Variants in ENTREP2 observed in about 807,000 individuals in gnomAD.
ENTREP2 encodes endosomal transmembrane epsin interactor 2, also known as protein ENTREP2.
chr15:29,204,576 C>T, the ENTREP2 span, among the ~76,000 whole-genome samples: 2 of 152,156 alleles, frequency 1.3e-5, no homozygotes, highest in Non-Finnish European at 2.9e-5. Flanking sequence ...ACAGTCCTAA[C>T]TGCCATGGAG....
At chr15:29,366,353 G>A in the ENTREP2 span, among the ~76,000 whole-genome samples, 1 of 152,186 alleles carries the variant, frequency 6.6e-6, no homozygotes, top group Non-Finnish European at 1.5e-5. Context: ...GGGATTACAG[G>A]CGTGAGCCAC....
At chr15:29,162,453 TG>T in the ENTREP2 span, among the ~76,000 whole-genome samples, 2 of 151,984 alleles carry the variant, frequency 1.3e-5, no homozygotes, top group African/African-American at 2.4e-5. Flanking sequence ...AAAACAGACT[TG>T]GGGCGGTTGG....
chr15:29,438,768 C>G, the ENTREP2 span, among the ~76,000 whole-genome samples: 25 of 152,262 alleles, frequency 1.6e-4, no homozygotes, highest in South Asian at 4.8e-3. Context: ...CTCCGCAGAT[C>G]TCACTGGTCT....
At chr15:29,377,862 T>TAATAATAATAATA in the ENTREP2 span, among the ~76,000 whole-genome samples, 2 of 100,976 alleles carry the variant, frequency 2.0e-5, no homozygotes, top group Non-Finnish European at 4.9e-5. Flanking sequence ...ATAATAATAA[T>TAATAATAATAATA]AAAAAAATGA....
the ENTREP2 span, among the ~76,000 whole-genome samples, chr15:29,588,336 C>T: frequency 3.9e-5 from 6 of 152,146 alleles, no homozygotes; most frequent in Non-Finnish European, 7.4e-5. Flanking sequence ...TAGAGGGTGG[C>T]GGGCGCCTGT....
the ENTREP2 span, among the ~76,000 whole-genome samples, chr15:29,258,230 A>AAAAGAAAG: frequency 1.5e-3 from 185 of 127,072 alleles, 2 homozygotes; most frequent in Non-Finnish European, 1.7e-3. Flanking sequence ...AAAAAAAAAA[A>AAAAGAAAG]AAAGAAAGAA....
the ENTREP2 span, among the ~76,000 whole-genome samples, chr15:29,384,212 A>G: frequency 2.0e-4 from 30 of 152,176 alleles, no homozygotes; most frequent in Non-Finnish European, 2.2e-4. Context: ...CATGTTTGAC[A>G]TTTCAGACCC....
At chr15:29,510,576 C>T in the ENTREP2 span, among the ~76,000 whole-genome samples, 22 of 151,728 alleles carry the variant, frequency 1.4e-4, no homozygotes, top group Admixed American at 2.6e-4. Context: ...GAGGCCGAGG[C>T]GGGCGGATCA....
the ENTREP2 span, among the ~76,000 whole-genome samples, chr15:29,333,325 C>T: frequency 2.6e-5 from 4 of 152,132 alleles, no homozygotes; most frequent in African/African-American, 4.8e-5. Flanking sequence ...AAAGTGAGTC[C>T]ATACAGGGCT....
the ENTREP2 span, among the ~76,000 whole-genome samples, chr15:29,179,742 G>A: frequency 8.5e-5 from 10 of 117,724 alleles, no homozygotes; most frequent in African/African-American, 4.1e-4. Flanking sequence ...CATCACGCCC[G>A]GCTAATTTTT....
At chr15:29,402,265 T>TATATATATATATATATATATACACACAC in the ENTREP2 span, among the ~76,000 whole-genome samples, 18 of 137,790 alleles carry the variant, frequency 1.3e-4, no homozygotes, top group African/African-American at 4.8e-4. Context: ...TATATATATA[T>TATATATATATATATATATATACACACAC]ACACACACAT....
At chr15:29,619,085 G>C in the ENTREP2 span, among the ~76,000 whole-genome samples, 1 of 152,152 alleles carries the variant, frequency 6.6e-6, no homozygotes, top group Non-Finnish European at 1.5e-5. Flanking sequence ...TGTGTGTCAG[G>C]CATGTGCTAG....
chr15:29,445,743 C>T, the ENTREP2 span, among the ~76,000 whole-genome samples: 1 of 152,242 alleles, frequency 6.6e-6, no homozygotes, highest in African/African-American at 2.4e-5. Context: ...AGCCATCCCA[C>T]TCCTGGAGAA....
At chr15:29,254,590 G>A in the ENTREP2 span, among the ~76,000 whole-genome samples, 5,349 of 152,210 alleles carry the variant, frequency 0.035, 133 homozygotes, top group Non-Finnish European at 0.053. Flanking sequence ...CAGGCGCAGT[G>A]GCTCATGCCT....
At chr15:29,635,529 C>T in the ENTREP2 span, among the ~76,000 whole-genome samples, 2 of 152,048 alleles carry the variant, frequency 1.3e-5, no homozygotes, top group Admixed American at 6.6e-5. Context: ...CAGAGGAGCT[C>T]GGAAGTGTGG....
chr15:29,662,211 C>CAAAAAAAAAAAAAAAAAAA, the ENTREP2 span, among the ~76,000 whole-genome samples: 10 of 46,958 alleles, frequency 2.1e-4, no homozygotes, highest in African/African-American at 2.7e-4. Flanking sequence ...AACCCTGTCG[C>CAAAAAAAAAAAAAAAAAAA]AAAAAAAAAA....
chr15:29,635,519 C>T, the ENTREP2 span, among the ~76,000 whole-genome samples: 1 of 152,160 alleles, frequency 6.6e-6, no homozygotes, highest in Non-Finnish European at 1.5e-5. Flanking sequence ...ACAGAGGACA[C>T]AGAGGAGCTC....
chr15:29,603,401 C>T, the ENTREP2 span, among the ~76,000 whole-genome samples: 1 of 152,114 alleles, frequency 6.6e-6, no homozygotes, highest in Admixed American at 6.6e-5. Flanking sequence ...TTGGGGTTTT[C>T]TCAAGCCCTC....
the ENTREP2 span, among the ~76,000 whole-genome samples, chr15:29,657,191 G>A: frequency 1.3e-5 from 2 of 150,766 alleles, no homozygotes; most frequent in African/African-American, 2.4e-5. Context: ...GGGACTACAC[G>A]CGCCCACCAC....
Sources: gnomAD v4.1 joint callset for allele counts (sites outside exome capture counted in the v4.1 genomes callset) on GRCh38, gnomAD v4.1.1 for gene constraint, MANE v1.5 for transcripts, NCBI Gene and HGNC (gene_info 2026-07-23, HGNC 2026-07-21) for gene names.